Variants in PHKA1 observed in about 807,000 individuals in gnomAD.
PHKA1 encodes the protein phosphorylase kinase regulatory subunit alpha 1.
Under a neutral mutation model 110.2 loss-of-function variants are expected in PHKA1, and 60 were observed. The observed-to-expected ratio is 0.54, with a 90% confidence interval of 0.44 to 0.68. PHKA1 has a LOEUF of 0.68. Among genes scored for constraint, PHKA1 ranks in the 30% least tolerant of loss-of-function variants. The pLI, the probability that PHKA1 is intolerant of heterozygous loss-of-function variation, is 0.00. For missense variants in PHKA1, 801 were observed against 942.5 expected (o/e 0.85, Z 1.97); for synonymous variants, 316 against 333.6 (o/e 0.95, Z 0.58).
At chrX:72,661,780 G>A (rs781922670) in intron 8 of PHKA1, among the ~76,000 whole-genome samples, 2 of 101,809 alleles carry the variant, frequency 2.0e-5, no homozygotes, top group Non-Finnish European at 2.0e-5. Context: ...CATAGAGCAC[G>A]ATGGCTGACT....
At chrX:72,683,547 GAT>G (rs201032613) in intron 5 of PHKA1, among the ~76,000 whole-genome samples, 1,420 of 112,282 alleles carry the variant, frequency 0.013, 20 homozygotes, top group African/African-American at 0.044. Context: ...GATTAATTTT[GAT>G]ATGTTTTCAT....
At chrX:72,699,178 A>T (rs1224152865) in intron 3 of PHKA1, among the ~76,000 whole-genome samples, 2 of 110,748 alleles carry the variant, frequency 1.8e-5, no homozygotes. Context: ...CAAGGTAAAA[A>T]CAACCAGGAA....
At chrX:72,684,789 C>T (rs1035207917) in intron 4 of PHKA1, among the ~76,000 whole-genome samples, 7 of 111,144 alleles carry the variant, frequency 6.3e-5, no homozygotes, top group Non-Finnish European at 1.3e-4. Flanking sequence ...AAGCATATTT[C>T]AACATGGAAG....
intron 16 of PHKA1, among the ~76,000 whole-genome samples, chrX:72,627,967 G>A (rs182720872): frequency 0.01 from 1,089 of 108,777 alleles, 10 homozygotes; most frequent in Middle Eastern, 0.019. Flanking sequence ...ACAGGCGCCC[G>A]CCACCACGCC....
Position 72,678,140 on chromosome X carries a change from C to T in PHKA1, c.538-1990G>A, listed in dbSNP as rs1556312691. Among the ~76,000 whole-genome samples, 3 of 111,318 alleles carry T rather than the reference C, an allele frequency of 2.7e-5. No individual in the cohort carries two copies. In the East Asian group the frequency reaches 8.5e-4, roughly 31 times the overall value. ...TGCTCCAATCTTATCTCATATTTTC[C>T]CCGCCATAGCCCTGGAATCAACCAC... On this transcript the variant is annotated intron_variant, in intron 5 of 31. Coordinates refer to ENST00000373542, the MANE Select transcript of PHKA1 (RefSeq NM_002637.4).
At chrX:72,607,716 C>T (rs1279415943) in intron 23 of PHKA1, among the ~76,000 whole-genome samples, 1 of 111,599 alleles carries the variant, frequency 9.0e-6, no homozygotes, top group African/African-American at 3.3e-5. Flanking sequence ...GTAGAATGGT[C>T]GATGCTGAGT....
rs199582889 is a variant in PHKA1 at position 72,652,575 on chromosome X, G to A, written c.1214C>T (p.Ser405Phe). Residue 405 changes from serine to phenylalanine, a missense_variant, in exon 12 of 32, where the codon TCT becomes TTT. Ser to Phe is a radical substitution (Grantham distance 155). Transcript: ENST00000373542. ...MGKLPHMWGQ[S>F]LYILGSLMAE... Reference sequence around the variant, plus strand: ...CATCAAGCTTCCTAAAATGTATAGAGACTGACCCCACATGTGAGGCAATTT... The same window carrying A: ...CATCAAGCTTCCTAAAATGTATAGAAACTGACCCCACATGTGAGGCAATTT... 1.6e-5 allele frequency: 19 copies of A among 1,182,272 alleles called. No individual in the cohort carries two copies. The Admixed American group carries it at 3.7e-4, about 23-fold the overall frequency.
intron 19 of PHKA1, among the ~76,000 whole-genome samples, chrX:72,620,079 A>G (rs782001459): frequency 8.9e-6 from 1 of 112,332 alleles, no homozygotes; most frequent in African/African-American, 3.2e-5. Flanking sequence ...GTATTTGGTT[A>G]GTAATGGTCA....
chrX:72,691,188 T>C (rs1337815090), intron 4 of PHKA1, among the ~76,000 whole-genome samples: 1 of 112,980 alleles, frequency 8.9e-6, no homozygotes, highest in Non-Finnish European at 1.9e-5. Flanking sequence ...TGAATTATCT[T>C]GGCACCTTTG....
In PHKA1 at chrX:72,676,111, CTTGG is replaced by C; in HGVS notation, c.573_576del (p.Asn191LysfsTer6). The C allele has an allele frequency of 8.3e-7, 1 of 1,209,437 alleles. No individual in the cohort carries two copies. The highest frequency in any genetic ancestry group is 1.1e-6 in the Non-Finnish European group (1 of 893,870). Reference sequence around the variant, plus strand: ...GAACTGGCATTCAACTCTGAGATCCCTTGGTTGGTCTTGTCTCCACGTTCCCATA... The same window carrying C: ...GAACTGGCATTCAACTCTGAGATCCCTTGGTCTTGTCTCCACGTTCCCATA... On this transcript the variant is annotated frameshift_variant, in exon 6 of 32. Coordinates refer to ENST00000373542, the MANE Select transcript of PHKA1 (RefSeq NM_002637.4). LOFTEE classifies it high-confidence loss of function.
At chrX:72,620,662 C>A in intron 19 of PHKA1, 63 bp downstream of exon 19, 1 of 989,370 alleles carries the variant, frequency 1.0e-6, no homozygotes, top group Non-Finnish European at 1.4e-6. Flanking sequence ...AATCAATGCC[C>A]GCCCCTATCC....
In PHKA1 at chrX:72,579,583, T is replaced by A. The variant is rs781909431; in HGVS notation, c.*1419A>T. On this transcript the variant is annotated 3_prime_UTR_variant, in exon 32 of 32. Transcript: ENST00000373542. ...GGATGAAGGAAGAGGACTGAAGCTA[T>A]TCTTCCACCAATCTGTGTGTGTCAA... The A allele has an allele frequency of 8.9e-6, 1 of 111,984 alleles. No homozygotes were observed. Among genetic ancestry groups the A allele is most frequent in the East Asian group, 2.8e-4 (1 of 3,567 alleles). The allele number at this position is 111,984 out of a possible 1,213,427, so 9.2% of individuals were successfully genotyped here.
Position 72,651,659 on chromosome X carries a change from G to A in PHKA1, c.1245+885C>T, listed in dbSNP as rs781785124. Among the ~76,000 whole-genome samples, 23 of 112,018 alleles carry A rather than the reference G, an allele frequency of 2.1e-4. No homozygotes were observed. In the East Asian group the frequency reaches 5.8e-3, roughly 28 times the overall value. ...ATTGAATGAGAGAGTCACCAGGTAA[G>A]GATTACTTAAACAAACCATTCTGCC... On this transcript the variant is annotated intron_variant, in intron 12 of 31. Transcript: ENST00000373542.
Position 72,676,139 on chromosome X carries a change from T to C in PHKA1, c.549A>G (p.Ile183Met), listed in dbSNP as rs782788794. The C allele has an allele frequency of 8.3e-7, 1 of 1,204,586 alleles. No homozygotes were observed. The highest frequency in any genetic ancestry group is 2.2e-5 in the Admixed American group (1 of 45,935). Residue 183 changes from isoleucine to methionine, a missense_variant, in exon 6 of 32, where the codon ATA becomes ATG. By Grantham distance (10) the Ile-to-Met change is conservative. Transcript: ENST00000373542. ...GGTTGGTCTTGTCTCCACGTTCCCA[T>C]ATCCCGAAGTCCTGGCATAAAATAA... ...EAAYKTADFG[I>M]WERGDKTNQG...
chrX:72,713,704 ACACACGCACG>A (rs1423850608), intron 1 of PHKA1, 89 bp downstream of exon 1: 1 of 644,513 alleles, frequency 1.6e-6, no homozygotes, highest in African/African-American at 2.3e-5. Flanking sequence ...ACACACACCC[ACACACGCACG>A]CACGCACGGA....
Position 72,636,337 on chromosome X carries a change from T to C in PHKA1, c.1509A>G (p.Gly503=). The change falls in exon 15 of 32, where the codon GGA becomes GGG. Residue 503 remains glycine (G), a synonymous_variant. Coordinates refer to ENST00000373542, the MANE Select transcript of PHKA1 (RefSeq NM_002637.4). The stretch of plus-strand genomic sequence containing the variant: ...CATAGAGTTTTGAAGTTCCAAGCAC[T>C]CCCATGTGTCTGTAGGGTCGTCCAC... ...KLSGRPYRHM[G]VLGTSKLYDI... is the part of the protein sequence containing the mutation. The C allele has an allele frequency of 8.3e-7, 1 of 1,204,556 alleles. No homozygotes were observed. Among genetic ancestry groups the C allele is most frequent in the Non-Finnish European group, 1.1e-6 (1 of 888,801 alleles).
chrX:72,595,775 A>T (rs1423535914), intron 28 of PHKA1, among the ~76,000 whole-genome samples: 1 of 111,881 alleles, frequency 8.9e-6, no homozygotes, highest in Non-Finnish European at 1.9e-5. Flanking sequence ...GACCGTGGTT[A>T]AAAAAACACC....
chrX:72,688,967 A>G (rs2054000682), intron 4 of PHKA1: 2 of 111,831 alleles, frequency 1.8e-5, no homozygotes, highest in African/African-American at 6.5e-5. Context: ...CCTCCTGTAG[A>G]GCCCAGACAC....
chrX:72,708,486 C>T (rs1329750321), intron 2 of PHKA1, among the ~76,000 whole-genome samples: 3 of 111,074 alleles, frequency 2.7e-5, no homozygotes, highest in Non-Finnish European at 5.7e-5. Flanking sequence ...CAAAATGTTT[C>T]GACTTTACTT....
Sources: gnomAD v4.1 joint callset for allele counts (sites outside exome capture counted in the v4.1 genomes callset) on GRCh38, gnomAD v4.1.1 for gene constraint, MANE v1.5 for transcripts, NCBI Gene and HGNC (gene_info 2026-07-23, HGNC 2026-07-21) for gene names.